The following NDE1 variants were observed in gnomAD, a reference collection of about 807,000 sequenced individuals.
NDE1 encodes nudE neurodevelopment protein 1, also known as nuclear distribution protein nudE homolog 1.
NDE1 carries 28 observed loss-of-function variants against 43.4 expected under a neutral mutation model. The observed-to-expected ratio is 0.65, with a 90% confidence interval of 0.48 to 0.89. NDE1 has a LOEUF of 0.89. Among genes scored for constraint, NDE1 ranks in the 40% least tolerant of loss-of-function variants. The pLI is 0.00. For missense variants in NDE1, 441 were observed against 434.1 expected (o/e 1.02, Z -0.14); for synonymous variants, 184 against 172.0 (o/e 1.07, Z -0.55).
intron 4 of NDE1, among the ~76,000 whole-genome samples, chr16:15,681,287 A>T (rs1190609822): frequency 4.8e-4 from 5 of 10,398 alleles, no homozygotes; most frequent in South Asian, 4.0e-3. Context: ...TTTTTTTGAG[A>T]CTGGGCCTCG....
chr16:15,673,810 T>C (rs1304023584), intron 3 of NDE1, among the ~76,000 whole-genome samples: 4 of 151,976 alleles, frequency 2.6e-5, no homozygotes, highest in Non-Finnish European at 5.9e-5. Context: ...GCTCTGGGTG[T>C]TTGGTGAAGG....
intron 8 of NDE1, among the ~76,000 whole-genome samples, chr16:15,698,767 A>AG: frequency 6.6e-6 from 1 of 152,022 alleles, no homozygotes; most frequent in African/African-American, 2.4e-5. Context: ...TGGCTGAGGC[A>AG]CAAGAATCAC....
At chr16:15,720,057 G>T in intron 8 of NDE1, 1 of 1,538,846 alleles carries the variant, frequency 6.5e-7, no homozygotes, top group African/African-American at 1.4e-5. Flanking sequence ...GCAGGTGCAG[G>T]CTTGCTTCCT....
intron 4 of NDE1, among the ~76,000 whole-genome samples, chr16:15,681,091 G>A (rs1403898329): frequency 6.9e-6 from 1 of 144,094 alleles, no homozygotes; most frequent in Non-Finnish European, 1.5e-5. Context: ...CATGTGTTTT[G>A]TGTTTTTTTT....
intron 8 of NDE1, chr16:15,703,698 C>A (rs2039304344): frequency 2.2e-6 from 1 of 460,712 alleles, no homozygotes; most frequent in Non-Finnish European, 4.0e-6. Context: ...GAGCGTTCTT[C>A]CTGGCTCAGC....
intron 5 of NDE1, among the ~76,000 whole-genome samples, chr16:15,690,353 CTTTTTTTTT>C (rs869069843): frequency 0.043 from 3,450 of 80,936 alleles, 110 homozygotes; most frequent in African/African-American, 0.17. Context: ...TTTTTTTTTT[CTTTTTTTTT>C]TTTTTTTTTT....
At chr16:15,701,710 C>T (rs775193134) in intron 8 of NDE1, 2 of 152,266 alleles carry the variant, frequency 1.3e-5, no homozygotes, top group East Asian at 1.9e-4. Context: ...CCTGCAGCTT[C>T]ACGGCCTTCA....
intron 1 of NDE1, among the ~76,000 whole-genome samples, chr16:15,655,308 A>G (rs2036706247): frequency 6.6e-6 from 1 of 151,842 alleles, no homozygotes; most frequent in Non-Finnish European, 1.5e-5. Flanking sequence ...GTGCATCGTG[A>G]CGCCCTGCTG....
intron 8 of NDE1, among the ~76,000 whole-genome samples, chr16:15,711,811 G>T (rs1004771251): frequency 6.6e-6 from 1 of 152,128 alleles, no homozygotes; most frequent in Non-Finnish European, 1.5e-5. Flanking sequence ...TCCTGCCTCA[G>T]CCTCCCTAGT....
At chr16:15,689,386 G>C (rs2038613930) in intron 5 of NDE1, among the ~76,000 whole-genome samples, 1 of 152,118 alleles carries the variant, frequency 6.6e-6, no homozygotes, top group Admixed American at 6.5e-5. Context: ...CAGCTACTTA[G>C]GAGGCTGAAG....
intron 1 of NDE1, among the ~76,000 whole-genome samples, chr16:15,662,839 A>G (rs1375919254): frequency 6.6e-6 from 1 of 152,108 alleles, no homozygotes; most frequent in Non-Finnish European, 1.5e-5. Flanking sequence ...TTGGCCTGTC[A>G]AAGTGCTGGG....
chr16:15,713,936 T>C (rs1481619897), intron 8 of NDE1: 1 of 152,252 alleles, frequency 6.6e-6, no homozygotes, highest in African/African-American at 2.4e-5. Flanking sequence ...GAAGACCCCG[T>C]TGGGGACAGA....
chr16:15,668,610 A>C (rs1054934177), intron 3 of NDE1, among the ~76,000 whole-genome samples: 13 of 152,214 alleles, frequency 8.5e-5, no homozygotes, highest in Admixed American at 6.5e-4. Context: ...TAATATCATC[A>C]GGTCCAATAT....
intron 4 of NDE1, among the ~76,000 whole-genome samples, chr16:15,681,592 G>T (rs1038128262): frequency 5.3e-5 from 8 of 151,690 alleles, no homozygotes; most frequent in African/African-American, 1.5e-4. Flanking sequence ...GTTGTTCGTT[G>T]TTTTTTTTCC....
chr16:15,688,716 T>TTTTTTTG (rs2038577466), intron 5 of NDE1, among the ~76,000 whole-genome samples: 1 of 131,724 alleles, frequency 7.6e-6, no homozygotes, highest in Admixed American at 7.6e-5. Context: ...TTTTTTTTTT[T>TTTTTTTG]GAGATGGCGT....
At chr16:15,694,323 G>A (rs1362078776) in intron 7 of NDE1, 67 bp downstream of exon 7, 4 of 1,585,114 alleles carry the variant, frequency 2.5e-6, no homozygotes, top group Non-Finnish European at 3.4e-6. Flanking sequence ...GAAGGGGGTT[G>A]ATCTAGTTCC....
intron 6 of NDE1, among the ~76,000 whole-genome samples, chr16:15,692,126 C>T (rs752321028): frequency 2.0e-5 from 3 of 152,060 alleles, no homozygotes; most frequent in Admixed American, 6.6e-5. Flanking sequence ...CCGATCAGGC[C>T]TTTTACAGCA....
intron 3 of NDE1, among the ~76,000 whole-genome samples, chr16:15,669,651 C>T (rs1009500190): frequency 2.0e-5 from 3 of 152,098 alleles, no homozygotes; most frequent in Non-Finnish European, 2.9e-5. Context: ...TGAGCCACCA[C>T]GCCCGGCTAA....
At chr16:15,690,238 G>T (rs1304041202) in intron 5 of NDE1, among the ~76,000 whole-genome samples, 5 of 148,826 alleles carry the variant, frequency 3.4e-5, no homozygotes, top group African/African-American at 1.2e-4. Flanking sequence ...TAGAGACGGG[G>T]TTTTGCCATG....
Sources: gnomAD v4.1 joint callset for allele counts (sites outside exome capture counted in the v4.1 genomes callset) on GRCh38, gnomAD v4.1.1 for gene constraint, MANE v1.5 for transcripts, NCBI Gene and HGNC (gene_info 2026-07-23, HGNC 2026-07-21) for gene names.